Variants in ADGRF3 observed in about 807,000 individuals in gnomAD.
ADGRF3 encodes G protein-coupled receptor 113.
In ADGRF3, 85 loss-of-function variants were observed where a neutral mutation model predicts 93.2. The ratio of observed to expected loss-of-function variants is 0.91; its 90% CI spans 0.77 to 1.09. The LOEUF (loss-of-function observed/expected upper bound fraction) is 1.09. ADGRF3 is among the 50% of genes least tolerant of loss of function. The pLI, the probability that ADGRF3 is intolerant of heterozygous loss-of-function variation, is 0.00. For synonymous variants in ADGRF3, 534 were observed against 532.5 expected (o/e 1.00, Z -0.04); for missense variants, 1,125 against 1,246.2 (o/e 0.90, Z 1.46).
At position 26,345,945 on chromosome 2, in the gene ADGRF3, T is replaced by G. The variant is rs1574742585; in HGVS notation, c.114+176A>C. ...GAGAGCTGGAAGGCGGGACTTAGTG[T>G]TGCCTGATCCACGCCGATTGGACAA... On this transcript the variant is annotated intron_variant, in intron 1 of 13. Transcript: ENST00000651242. 4.0e-5 allele frequency: 25 copies of G among 620,312 alleles called. No individual in the cohort carries two copies. In the East Asian group the frequency reaches 7.3e-4, roughly 18 times the overall value. The allele number at this position is 620,312 out of a possible 1,614,324, so 38.4% of individuals were successfully genotyped here. A position where few individuals can be genotyped will look rare whatever the true frequency, so the allele number is the denominator to read the frequency against.
In ADGRF3 at chr2:26,345,295, T is replaced by C. The variant is rs1286697907; in HGVS notation, c.114+826A>G. 7.8e-5 allele frequency among the ~76,000 whole-genome samples: 4 copies of C among 51,214 alleles called. No homozygotes were observed. In the East Asian group the frequency reaches 8.1e-4, roughly 10 times the overall value. The allele number at this position is 51,214 out of a possible 152,430, so 33.6% of individuals were successfully genotyped here. On this transcript the variant is annotated intron_variant, in intron 1 of 13. Coordinates refer to ENST00000651242, the MANE Select transcript of ADGRF3 (RefSeq NM_001321971.2). ...CTAGCCATTGATCTAGTGTTTTTTG[T>C]TTGTTTGTTTGTTTTACAATTAACT... is the stretch of plus-strand genomic sequence containing the variant.
chr2:26,312,191 G>T, intron 9 of ADGRF3, 117 bp from the exon 10 acceptor site: 2 of 1,032,316 alleles, frequency 1.9e-6, no homozygotes, highest in South Asian at 1.6e-5. Context: ...GCGACCCAAG[G>T]TTGGAGAGAA....
chr2:26,315,622 G>A lies in ADGRF3; in HGVS notation c.618C>T (p.Ser206=), dbSNP rs767555972. The A allele has an allele frequency of 3.5e-5, 54 of 1,551,466 alleles. No homozygotes were observed. The highest frequency in any genetic ancestry group is 3.1e-4 in the Admixed American group (16 of 50,972). ...CTGGCTGCAGGAGGATGGGACTGGGGCTCCCTGGGTGCCTCAGGAACCAGC... is the reference window on the plus strand; with the variant it reads ...CTGGCTGCAGGAGGATGGGACTGGGACTCCCTGGGTGCCTCAGGAACCAGC... ...NLSWFLRHPG[S]PSPILLQPGT... Residue 206 remains serine (S), a synonymous_variant, in exon 5 of 14, where the codon AGC becomes AGT. Transcript: ENST00000651242.
intron 1 of ADGRF3, among the ~76,000 whole-genome samples, chr2:26,332,482 G>GT (rs1374824869): frequency 1.3e-5 from 2 of 152,232 alleles, no homozygotes; most frequent in Non-Finnish European, 1.5e-5. Context: ...GCTCACACCT[G>GT]TAATTCCAGC....
At chr2:26,344,478 G>A (rs1189273217) in intron 1 of ADGRF3, among the ~76,000 whole-genome samples, 1 of 152,166 alleles carries the variant, frequency 6.6e-6, no homozygotes. Context: ...CTCAAAACTG[G>A]TACTTCACAG....
intron 1 of ADGRF3, among the ~76,000 whole-genome samples, chr2:26,329,730 G>T (rs372155982): frequency 6.6e-6 from 1 of 152,224 alleles, no homozygotes; most frequent in African/African-American, 2.4e-5. Context: ...TACATTTTTG[G>T]TTATTATATA....
At chr2:26,335,836 T>C (rs1035520118) in intron 1 of ADGRF3, among the ~76,000 whole-genome samples, 5 of 152,214 alleles carry the variant, frequency 3.3e-5, no homozygotes, top group African/African-American at 2.4e-5. Context: ...TTGCAGATCA[T>C]TTCCTGGAAG....
chr2:26,318,376 T>A (rs1449746746), intron 1 of ADGRF3, among the ~76,000 whole-genome samples: 15 of 152,144 alleles, frequency 9.9e-5, no homozygotes, highest in African/African-American at 3.6e-4. Flanking sequence ...GGAGGATCAC[T>A]TGAGCCCAGG....
intron 1 of ADGRF3, among the ~76,000 whole-genome samples, chr2:26,329,531 C>A (rs980263530): frequency 1.3e-5 from 2 of 152,198 alleles, no homozygotes; most frequent in Non-Finnish European, 2.9e-5. Flanking sequence ...TTCTTCCCTG[C>A]GGTTTCCAGA....
At chr2:26,317,375 C>T in intron 2 of ADGRF3, 121 bp downstream of exon 2, 1 of 935,096 alleles carries the variant, frequency 1.1e-6, no homozygotes, top group South Asian at 1.6e-5. Context: ...CAGAGCCAGT[C>T]CTCTCTCTCC....
intron 1 of ADGRF3, chr2:26,319,107 G>GC: frequency 6.6e-7 from 1 of 1,515,978 alleles, no homozygotes; most frequent in Non-Finnish European, 8.9e-7. Context: ...GGAAGAGCTG[G>GC]CAGGGCAGTG....
intron 1 of ADGRF3, among the ~76,000 whole-genome samples, chr2:26,341,889 C>T (rs899085859): frequency 6.6e-6 from 1 of 151,826 alleles, no homozygotes; most frequent in African/African-American, 2.4e-5. Context: ...CTGGCCAACA[C>T]GGTGAAACCC....
intron 1 of ADGRF3, chr2:26,317,932 T>G (rs1250506812): frequency 2.7e-6 from 3 of 1,118,536 alleles, no homozygotes; most frequent in Non-Finnish European, 2.7e-6. Flanking sequence ...AGTTTATTCC[T>G]TCTGTAGGAT....
At chr2:26,327,973 T>C (rs180841706) in intron 1 of ADGRF3, among the ~76,000 whole-genome samples, 88 of 152,206 alleles carry the variant, frequency 5.8e-4, no homozygotes, top group Admixed American at 4.1e-3. Context: ...TTCCAACACA[T>C]GAACTTTGGG....
chr2:26,334,027 T>C (rs1675907525), intron 1 of ADGRF3, among the ~76,000 whole-genome samples: 1 of 151,642 alleles, frequency 6.6e-6, no homozygotes, highest in East Asian at 1.9e-4. Flanking sequence ...GGTTTCACCA[T>C]ATTGGCCAGG....
chr2:26,336,139 T>C (rs1035614510), intron 1 of ADGRF3, among the ~76,000 whole-genome samples: 1 of 152,044 alleles, frequency 6.6e-6, no homozygotes, highest in Non-Finnish European at 1.5e-5. Context: ...TGTGGGGAGC[T>C]GGAAGTAGGT....
chr2:26,321,287 G>T (rs1675135995), intron 1 of ADGRF3, among the ~76,000 whole-genome samples: 1 of 152,154 alleles, frequency 6.6e-6, no homozygotes. Flanking sequence ...GGAGAATCTG[G>T]TTTGAGAACC....
intron 1 of ADGRF3, among the ~76,000 whole-genome samples, chr2:26,319,618 T>C (rs34961301): frequency 0.54 from 24,216 of 44,958 alleles, 5,098 homozygotes; most frequent in Non-Finnish European, 0.63. Context: ...TTCCTTCCTT[T>C]CTTTCTTTGT....
At chr2:26,342,472 GTCTCCA>G (rs1676452020) in intron 1 of ADGRF3, among the ~76,000 whole-genome samples, 1 of 152,022 alleles carries the variant, frequency 6.6e-6, no homozygotes, top group Non-Finnish European at 1.5e-5. Flanking sequence ...TTTTTTGGCT[GTCTCCA>G]TTTATCTGAT....
Sources: allele counts gnomAD v4.1 joint callset (sites outside exome capture counted in the v4.1 genomes callset), GRCh38; gene constraint gnomAD v4.1.1; transcripts MANE v1.5; gene names NCBI Gene and HGNC (gene_info 2026-07-23, HGNC 2026-07-21).